HS6ST3: variants seen among roughly 807,000 people sequenced by gnomAD.
HS6ST3 encodes heparan sulfate 6-O-sulfotransferase 3.
In HS6ST3, 12 loss-of-function variants were observed where a neutral mutation model predicts 36.7. That is an observed-to-expected ratio of 0.33 (90% confidence interval 0.21 to 0.53). The LOEUF is 0.53. Ranked by LOEUF, HS6ST3 falls within the 20% of genes least tolerant of loss-of-function variation. The probability of loss-of-function intolerance (pLI) is 0.95; values close to 1 mark genes in which losing one functional copy is unlikely to be tolerated. For missense variants in HS6ST3, 584 were observed against 640.9 expected (o/e 0.91, Z 0.96); for synonymous variants, 240 against 257.5 (o/e 0.93, Z 0.65).
chr13:96,733,775 A>G (rs1465104725), intron 1 of HS6ST3, among the ~76,000 whole-genome samples: 1 of 152,116 alleles, frequency 6.6e-6, no homozygotes, highest in Non-Finnish European at 1.5e-5. Flanking sequence ...CTCCTGCCCC[A>G]TTTCCCCAGT....
intron 1 of HS6ST3, among the ~76,000 whole-genome samples, chr13:96,164,974 G>A (rs1444009969): frequency 6.6e-6 from 1 of 152,016 alleles, no homozygotes; most frequent in East Asian, 1.9e-4. Flanking sequence ...CAGTAAGATA[G>A]TTAAAACCCA....
intron 1 of HS6ST3, among the ~76,000 whole-genome samples, chr13:96,273,991 CT>C (rs1282850696): frequency 7.2e-6 from 1 of 138,496 alleles, no homozygotes; most frequent in Non-Finnish European, 1.6e-5. Context: ...CTCCTCCCCC[CT>C]CCCTTCTCCT....
At chr13:96,587,193 C>T (rs1456098514) in intron 1 of HS6ST3, among the ~76,000 whole-genome samples, 1 of 151,934 alleles carries the variant, frequency 6.6e-6, no homozygotes, top group Non-Finnish European at 1.5e-5. Context: ...GTTCTTGTAG[C>T]TTTGTAGTAT....
At chr13:96,468,712 G>A (rs2055826529) in intron 1 of HS6ST3, among the ~76,000 whole-genome samples, 2 of 152,140 alleles carry the variant, frequency 1.3e-5, no homozygotes, top group African/African-American at 4.8e-5. Flanking sequence ...ATCCTATAGA[G>A]CCTTGTTTAC....
At chr13:96,729,634 A>AT (rs142375389) in intron 1 of HS6ST3, among the ~76,000 whole-genome samples, 12,948 of 146,298 alleles carry the variant, frequency 0.089, 608 homozygotes, top group South Asian at 0.14. Flanking sequence ...TATTTTTTGT[A>AT]TTTTTTTTTT....
At chr13:96,642,528 A>G (rs964970279) in intron 1 of HS6ST3, among the ~76,000 whole-genome samples, 2 of 151,708 alleles carry the variant, frequency 1.3e-5, no homozygotes, top group Non-Finnish European at 2.9e-5. Flanking sequence ...GTATGTACAC[A>G]TTGGTTCACT....
intron 1 of HS6ST3, among the ~76,000 whole-genome samples, chr13:96,311,041 C>A (rs2054938524): frequency 6.6e-6 from 1 of 152,134 alleles, no homozygotes; most frequent in South Asian, 2.1e-4. Flanking sequence ...ATGCAGATAA[C>A]TCCATGAAGC....
chr13:96,168,674 C>T (rs1729440634), intron 1 of HS6ST3, among the ~76,000 whole-genome samples: 2 of 142,190 alleles, frequency 1.4e-5, no homozygotes, highest in Non-Finnish European at 1.5e-5. Context: ...GCCCTCCAGC[C>T]TGGTGACAGA....
chr13:96,644,054 C>T lies in HS6ST3; in HGVS notation c.708-188436C>T, dbSNP rs183456943. On this transcript the variant is annotated intron_variant, in intron 1 of 1. Coordinates refer to ENST00000376705, the MANE Select transcript of HS6ST3 (RefSeq NM_153456.4). ...TATGAAAGATAATCTTTTTGGATGT[C>T]CTTACCAGCATTTTCCACTGATGCT... is the stretch of plus-strand genomic sequence containing the variant. Among the ~76,000 whole-genome samples, 736 of 151,892 alleles carry T rather than the reference C, an allele frequency of 4.8e-3. 6 individuals carry two copies. The highest frequency in any genetic ancestry group is 5.6e-3 in the Non-Finnish European group (379 of 67,892).
At chr13:96,486,324 TC>T (rs1175803538) in intron 1 of HS6ST3, among the ~76,000 whole-genome samples, 3 of 152,146 alleles carry the variant, frequency 2.0e-5, no homozygotes, top group African/African-American at 7.2e-5. Flanking sequence ...TCAATAAACA[TC>T]CGTGTGCATG....
Position 96,799,948 on chromosome 13 carries a change from A to G in HS6ST3, c.708-32542A>G, listed in dbSNP as rs202013947. 2.9e-4 allele frequency among the ~76,000 whole-genome samples: 29 copies of G among 101,258 alleles called. 1 individual carries two copies. Among genetic ancestry groups the G allele is most frequent in the East Asian group, 1.1e-3 (3 of 2,696 alleles). 66.4% of individuals were successfully genotyped at this position (101,258 alleles called of 152,430 possible). A position where few individuals can be genotyped will look rare whatever the true frequency, so the allele number is the denominator to read the frequency against. ...TTTGAATACATATATGTGTGTGTATATATATATATATATATGTGTATATAT... is the reference window on the plus strand; with the variant it reads ...TTTGAATACATATATGTGTGTGTATGTATATATATATATATGTGTATATAT... On this transcript the variant is annotated intron_variant, in intron 1 of 1. Coordinates refer to ENST00000376705, the MANE Select transcript of HS6ST3 (RefSeq NM_153456.4).
At chr13:96,692,071 T>C (rs558012337) in intron 1 of HS6ST3, among the ~76,000 whole-genome samples, 75 of 152,232 alleles carry the variant, frequency 4.9e-4, no homozygotes, top group African/African-American at 1.6e-3. Flanking sequence ...ATATTGAAGA[T>C]TGATCGTTTG....
chr13:96,233,179 A>G (rs1014042682), intron 1 of HS6ST3, among the ~76,000 whole-genome samples: 1 of 152,262 alleles, frequency 6.6e-6, no homozygotes, highest in Non-Finnish European at 1.5e-5. Context: ...AAAAATTACA[A>G]TAAAATGAAT....
intron 1 of HS6ST3, among the ~76,000 whole-genome samples, chr13:96,600,329 TACACACACACACAC>T (rs34142366): frequency 2.1e-5 from 3 of 145,976 alleles, no homozygotes; most frequent in Admixed American, 6.9e-5. Flanking sequence ...TGGAGTTAGG[TACACACACACACAC>T]ACACACACAC....
chr13:96,133,352 TC>T (rs1388844698), intron 1 of HS6ST3, among the ~76,000 whole-genome samples: 3 of 152,164 alleles, frequency 2.0e-5, no homozygotes, highest in African/African-American at 7.2e-5. Context: ...GGTCTTGAAC[TC>T]CTGACCTCGT....
intron 1 of HS6ST3, among the ~76,000 whole-genome samples, chr13:96,096,028 C>CT (rs986789478): frequency 1.8e-4 from 26 of 147,834 alleles, no homozygotes; most frequent in South Asian, 6.5e-4. Flanking sequence ...CTTCAGATCT[C>CT]TTTTTTTTTT....
chr13:96,364,832 CTT>C (rs749732810), intron 1 of HS6ST3, among the ~76,000 whole-genome samples: 15 of 152,154 alleles, frequency 9.9e-5, no homozygotes, highest in Non-Finnish European at 1.9e-4. Flanking sequence ...TATTTTAAGA[CTT>C]TAAGTCAACG....
At chr13:96,328,979 G>A (rs374573905) in intron 1 of HS6ST3, among the ~76,000 whole-genome samples, 1 of 151,390 alleles carries the variant, frequency 6.6e-6, no homozygotes, top group Admixed American at 6.6e-5. Context: ...AGAGGTGTTT[G>A]TAGTATTCTC....
At position 96,363,109 on chromosome 13, in the gene HS6ST3, A is replaced by G. The variant is rs1249286792; in HGVS notation, c.707+271540A>G. Among the ~76,000 whole-genome samples the G allele has an allele frequency of 2.0e-5, 3 of 152,048 alleles. No homozygotes were observed. In the East Asian group the frequency reaches 5.8e-4, roughly 29 times the overall value. On this transcript the variant is annotated intron_variant, in intron 1 of 1. Coordinates refer to ENST00000376705, the MANE Select transcript of HS6ST3 (RefSeq NM_153456.4). ...GCAGTTACACAAACCTATACATGTG[A>G]TCGAATTGCATAGGACTGCACACAC...
Sources: gnomAD v4.1 joint callset for allele counts (sites outside exome capture counted in the v4.1 genomes callset) on GRCh38, gnomAD v4.1.1 for gene constraint, MANE v1.5 for transcripts, NCBI Gene and HGNC (gene_info 2026-07-23, HGNC 2026-07-21) for gene names.